AGBL1: variants seen among roughly 807,000 people sequenced by gnomAD.
The protein encoded by AGBL1 is AGBL carboxypeptidase 1.
In AGBL1, 130 loss-of-function variants were observed where a neutral mutation model predicts 118.9. The observed-to-expected ratio is 1.09, with a 90% CI of 0.95 to 1.26. AGBL1 has a LOEUF of 1.26. AGBL1 is among the 50% of genes most tolerant of loss of function. The probability of loss-of-function intolerance (pLI) is 0.00; values close to 1 mark genes in which losing one functional copy is unlikely to be tolerated. For synonymous variants in AGBL1, 555 were observed against 478.9 expected, an observed-to-expected ratio of 1.16 and a Z score of -2.08; for missense variants, 1,584 against 1,298.1, an observed-to-expected ratio of 1.22 and a Z score of -3.38.
At chr15:86,883,530 G>T in intron 22 of AGBL1, among the ~76,000 whole-genome samples, 1 of 152,244 alleles carries the variant, frequency 6.6e-6, no homozygotes, top group Middle Eastern at 3.4e-3. Flanking sequence ...CCCCCTGACA[G>T]AGTTACTGAT....
chr15:86,465,581 G>T (rs572184744), intron 18 of AGBL1, among the ~76,000 whole-genome samples: 2 of 152,138 alleles, frequency 1.3e-5, no homozygotes, highest in Admixed American at 1.3e-4. Flanking sequence ...CTGGGAAAAC[G>T]AATGCATTCC....
intron 21 of AGBL1, among the ~76,000 whole-genome samples, chr15:86,650,748 C>T (rs7182808): frequency 0.038 from 5,775 of 152,272 alleles, 388 homozygotes; most frequent in African/African-American, 0.13. Context: ...GGCAGGCATA[C>T]AGTATCAGCA....
intron 21 of AGBL1, among the ~76,000 whole-genome samples, chr15:86,567,025 C>T (rs1261459014): frequency 6.6e-6 from 1 of 152,162 alleles, no homozygotes; most frequent in African/African-American, 2.4e-5. Context: ...AAACATTTAT[C>T]ACCATTTTCA....
chr15:86,772,882 A>G (rs926550722), intron 22 of AGBL1, among the ~76,000 whole-genome samples: 2 of 152,084 alleles, frequency 1.3e-5, no homozygotes, highest in Non-Finnish European at 2.9e-5. Flanking sequence ...GATCACAGCA[A>G]AAGCCAGAGG....
At chr15:86,130,810 A>G (rs181989062) in intron 1 of AGBL1, among the ~76,000 whole-genome samples, 13 of 152,218 alleles carry the variant, frequency 8.5e-5, no homozygotes, top group Admixed American at 2.0e-4. Flanking sequence ...TGAAACAGCC[A>G]TTTTATTTTT....
At chr15:86,413,204 G>GT (rs1405875383) in intron 18 of AGBL1, among the ~76,000 whole-genome samples, 1 of 152,090 alleles carries the variant, frequency 6.6e-6, no homozygotes, top group African/African-American at 2.4e-5. Context: ...GCTCAGTAAG[G>GT]TAACAGTAGG....
chr15:86,330,702 G>A lies in AGBL1; in HGVS notation c.2374+35294G>A, dbSNP rs963976953. Among the ~76,000 whole-genome samples the A allele has an allele frequency of 5.3e-5, 8 of 151,904 alleles. No homozygotes were observed. In the South Asian group the frequency reaches 6.2e-4, roughly 12 times the overall value. On this transcript the variant is annotated intron_variant, in intron 17 of 22. Transcript: ENST00000614907. Reference sequence around the variant, plus strand: ...TGCAAAGAAGCTCAATGAAATCCAAGGCAAGGATGAAAATCAAAGAAACTT... The same window carrying A: ...TGCAAAGAAGCTCAATGAAATCCAAAGCAAGGATGAAAATCAAAGAAACTT...
intron 22 of AGBL1, among the ~76,000 whole-genome samples, chr15:86,753,512 C>T (rs1596449902): frequency 6.6e-6 from 1 of 150,860 alleles, no homozygotes; most frequent in African/African-American, 2.4e-5. Flanking sequence ...ATTCTCTTGC[C>T]TTAGCTTGCT....
At chr15:86,791,975 A>G (rs1169517946) in intron 22 of AGBL1, among the ~76,000 whole-genome samples, 2 of 152,056 alleles carry the variant, frequency 1.3e-5, no homozygotes, top group African/African-American at 2.4e-5. Flanking sequence ...GCCTCAAGTG[A>G]TCTGCCCACT....
intron 1 of AGBL1, among the ~76,000 whole-genome samples, chr15:86,117,811 T>C (rs1179791288): frequency 6.6e-6 from 1 of 152,124 alleles, no homozygotes; most frequent in African/African-American, 2.4e-5. Context: ...AAGAACATCA[T>C]GGTTTTAACA....
rs1360213607 is a variant in AGBL1 at position 86,215,217 on chromosome 15, A to ATG, written c.489-9695_489-9694dup. On this transcript the variant is annotated intron_variant, in intron 5 of 22. Coordinates refer to ENST00000614907, the MANE Select transcript of AGBL1 (RefSeq NM_001386094.1). ...GCTCTGTGTGTGTGTGTGAGTGTAT[A>ATG]TGTATGCGTGTGTGTGTGTGTGTGT... 9.7e-4 allele frequency among the ~76,000 whole-genome samples: 124 copies of ATG among 128,278 alleles called. 1 individual carries two copies. Among genetic ancestry groups the ATG allele is most frequent in the African/African-American group, 2.7e-3 (90 of 33,330 alleles). 84.2% of individuals were successfully genotyped at this position (128,278 alleles called of 152,430 possible).
chr15:86,988,257 CA>C (rs1422178469), intron 24 of AGBL1: 11 of 745,840 alleles, frequency 1.5e-5, no homozygotes, highest in East Asian at 1.1e-4. Flanking sequence ...ACTTCTTTTC[CA>C]AAGTGGTTGC....
chr15:86,712,003 A>G (rs1210980964), intron 22 of AGBL1, among the ~76,000 whole-genome samples: 2 of 152,132 alleles, frequency 1.3e-5, no homozygotes, highest in African/African-American at 2.4e-5. Context: ...AAATGAGGAA[A>G]CTGACACCCA....
chr15:86,507,958 G>C (rs1349567737), intron 18 of AGBL1, among the ~76,000 whole-genome samples: 1 of 149,944 alleles, frequency 6.7e-6, no homozygotes, highest in Non-Finnish European at 1.5e-5. Flanking sequence ...AGAGAGGGTA[G>C]TTGATGCTCC....
At chr15:86,758,433 C>A (rs535930482) in intron 22 of AGBL1, among the ~76,000 whole-genome samples, 1 of 152,156 alleles carries the variant, frequency 6.6e-6, no homozygotes, top group Admixed American at 6.6e-5. Context: ...TCATACCATG[C>A]AAATTGTTAT....
intron 17 of AGBL1, among the ~76,000 whole-genome samples, chr15:86,380,236 C>A (rs562261290): frequency 2.9e-3 from 432 of 149,608 alleles, no homozygotes; most frequent in Non-Finnish European, 4.8e-3. Flanking sequence ...CCCTCCCCTG[C>A]CTGCCTGCCT....
At chr15:86,179,806 A>G (rs1278774208) in intron 5 of AGBL1, among the ~76,000 whole-genome samples, 2 of 152,200 alleles carry the variant, frequency 1.3e-5, no homozygotes, top group East Asian at 1.9e-4. Flanking sequence ...AACGGAATCT[A>G]TACACAAAAA....
chr15:86,387,707 A>C (rs913274490), intron 17 of AGBL1, among the ~76,000 whole-genome samples: 2 of 152,198 alleles, frequency 1.3e-5, no homozygotes, highest in African/African-American at 4.8e-5. Context: ...ATCAGCTACA[A>C]AGGGCCTGTG....
chr15:86,880,462 AG>A (rs2079874930), intron 22 of AGBL1, among the ~76,000 whole-genome samples: 1 of 152,220 alleles, frequency 6.6e-6, no homozygotes, highest in African/African-American at 2.4e-5. Context: ...AGGAGGGCCA[AG>A]GAAGGCTGAC....
Sources: gnomAD v4.1 joint callset for allele counts (sites outside exome capture counted in the v4.1 genomes callset) on GRCh38, gnomAD v4.1.1 for gene constraint, MANE v1.5 for transcripts, NCBI Gene and HGNC (gene_info 2026-07-23, HGNC 2026-07-21) for gene names.